The following RBM47 variants were observed in gnomAD, a reference collection of about 807,000 sequenced individuals.
RBM47 encodes the protein RNA binding motif protein 47.
RBM47 carries 21 observed loss-of-function variants against 47.1 expected under a neutral mutation model. That is an observed-to-expected ratio of 0.45 (90% CI 0.32 to 0.64). The LOEUF (loss-of-function observed/expected upper bound fraction) is 0.64. Ranked by LOEUF, RBM47 falls within the 30% of genes least tolerant of loss-of-function variation. The probability of loss-of-function intolerance (pLI) is 0.05; values close to 1 mark genes in which losing one functional copy is unlikely to be tolerated. For missense variants in RBM47, 708 were observed against 870.9 expected (o/e 0.81, Z 2.35); for synonymous variants, 375 against 361.7 (o/e 1.04, Z -0.42).
At chr4:40,435,103 C>T (rs1471864284) in intron 5 of RBM47, among the ~76,000 whole-genome samples, 1 of 152,116 alleles carries the variant, frequency 6.6e-6, no homozygotes, top group Non-Finnish European at 1.5e-5. Context: ...GCACTAATGA[C>T]ATTAATAAAC....
chr4:40,437,010 C>G (rs989697852), intron 4 of RBM47: 1 of 331,288 alleles, frequency 3.0e-6, no homozygotes, highest in Admixed American at 3.3e-5. Flanking sequence ...GAGGCTGAGG[C>G]GAGAGGATGG....
At chr4:40,502,227 T>C (rs544067715) in intron 2 of RBM47, 1 of 154,342 alleles carries the variant, frequency 6.5e-6, no homozygotes, top group African/African-American at 2.4e-5. Flanking sequence ...GAAGGGTGGG[T>C]ACGTCACATT....
At chr4:40,559,393 G>A (rs1043370484) in intron 1 of RBM47, among the ~76,000 whole-genome samples, 9 of 152,206 alleles carry the variant, frequency 5.9e-5, no homozygotes, top group Non-Finnish European at 1.3e-4. Context: ...CGAATCAAGT[G>A]ACATGGGTAT....
chr4:40,606,322 T>C (rs574093247), intron 1 of RBM47, among the ~76,000 whole-genome samples: 69 of 151,608 alleles, frequency 4.6e-4, no homozygotes, highest in Non-Finnish European at 6.8e-4. Flanking sequence ...GAAACTACTG[T>C]AGAGAATCAG....
At chr4:40,437,171 T>TATATATAA (rs1553877846) in intron 4 of RBM47, among the ~76,000 whole-genome samples, 8,326 of 90,054 alleles carry the variant, frequency 0.092, 728 homozygotes, top group Admixed American at 0.12. Flanking sequence ...TATATATATA[T>TATATATAA]AATACATATA....
chr4:40,530,551 C>T (rs979843861), intron 2 of RBM47, among the ~76,000 whole-genome samples: 15 of 151,472 alleles, frequency 9.9e-5, no homozygotes, highest in South Asian at 6.3e-4. Flanking sequence ...CCACCCGTCT[C>T]GGCCTCCCAA....
chr4:40,541,564 C>A (rs1398602600), intron 2 of RBM47, among the ~76,000 whole-genome samples: 2 of 151,972 alleles, frequency 1.3e-5, no homozygotes, highest in African/African-American at 4.8e-5. Flanking sequence ...TGGTGAAAAC[C>A]CCATCTTTAC....
chr4:40,625,821 T>C (rs1280796313), intron 1 of RBM47, among the ~76,000 whole-genome samples: 2 of 152,154 alleles, frequency 1.3e-5, no homozygotes, highest in African/African-American at 4.8e-5. Context: ...AATCTATAAA[T>C]AAAGCATACA....
At chr4:40,518,166 T>C (rs970647773) in intron 2 of RBM47, among the ~76,000 whole-genome samples, 2 of 114,618 alleles carry the variant, frequency 1.7e-5, no homozygotes, top group Non-Finnish European at 3.4e-5. Context: ...TTCTTTTTTT[T>C]TTTTTTTTTT....
At chr4:40,625,744 C>A (rs1350043548) in intron 1 of RBM47, among the ~76,000 whole-genome samples, 1 of 152,116 alleles carries the variant, frequency 6.6e-6, no homozygotes, top group African/African-American at 2.4e-5. Context: ...TATATAGCAT[C>A]CCCAAAGACA....
At chr4:40,531,164 G>A (rs983537336) in intron 2 of RBM47, among the ~76,000 whole-genome samples, 4 of 151,892 alleles carry the variant, frequency 2.6e-5, no homozygotes, top group East Asian at 1.9e-4. Context: ...TACATAAAAC[G>A]AAACCTGTTT....
chr4:40,430,779 G>C (rs966479429), intron 6 of RBM47, among the ~76,000 whole-genome samples: 1 of 152,164 alleles, frequency 6.6e-6, no homozygotes, highest in Admixed American at 6.5e-5. Flanking sequence ...TCAGGGATTA[G>C]AGTCTAAGAA....
At chr4:40,545,787 C>T (rs941265004) in intron 1 of RBM47, among the ~76,000 whole-genome samples, 2 of 151,990 alleles carry the variant, frequency 1.3e-5, no homozygotes, top group African/African-American at 4.8e-5. Context: ...ACCAGGTGCT[C>T]GAAACTCCAC....
intron 2 of RBM47, among the ~76,000 whole-genome samples, chr4:40,491,351 G>T (rs749683549): frequency 6.6e-6 from 1 of 152,080 alleles, no homozygotes; most frequent in Non-Finnish European, 1.5e-5. Context: ...CCTCATAAGA[G>T]CTAAAACTGT....
rs1391276221 is a variant in RBM47, at chr4:40,572,129, T to G, written c.-239-27623A>C. On this transcript the variant is annotated intron_variant, in intron 1 of 6. Coordinates refer to ENST00000295971, the MANE Select transcript of RBM47 (RefSeq NM_001098634.2). The stretch of plus-strand genomic sequence containing the variant: ...CCACCAGGTGTGGCTCACCCTGTAA[T>G]CCCAGCACTTTGGGAGGCCGAGGCG... Among the ~76,000 whole-genome samples the G allele has an allele frequency of 3.4e-5, 5 of 146,870 alleles. 1 individual carries two copies. The highest frequency in any genetic ancestry group is 7.5e-5 in the Non-Finnish European group (5 of 67,050).
rs1717908579 is a variant in RBM47, at chr4:40,465,692, A to AT, written c.-32+884_-32+885insA. On this transcript the variant is annotated intron_variant, in intron 3 of 6. Transcript: ENST00000295971. ...ACACTCCATCTCCAAAAAAAAAAAA[A>AT]GAGAGATCTTGGCTCACTGCAACCT... Among the ~76,000 whole-genome samples, 5 of 151,874 alleles carry AT rather than the reference A, an allele frequency of 3.3e-5. No homozygotes were observed. In the South Asian group the frequency reaches 1.0e-3, roughly 32 times the overall value.
intron 2 of RBM47, among the ~76,000 whole-genome samples, chr4:40,529,396 A>G (rs1298355982): frequency 6.6e-6 from 1 of 151,394 alleles, no homozygotes; most frequent in Non-Finnish European, 1.5e-5. Context: ...CATGCCTGTA[A>G]TCCCAGCTAC....
In RBM47 at chr4:40,503,264, C is replaced by T. The variant is rs140978563; in HGVS notation, c.-154-36565G>A. Among the ~76,000 whole-genome samples, 414 of 152,282 alleles carry T rather than the reference C, an allele frequency of 2.7e-3. 1 individual carries two copies. The highest frequency in any genetic ancestry group is 8.3e-3 in the South Asian group (40 of 4,824). ...AAGGTGGCCTCAAGGTGGAAGGAGG[C>T]TGGGTAGATGCTTTTGGAGGTGCTG... On this transcript the variant is annotated intron_variant, in intron 2 of 6. Coordinates refer to ENST00000295971, the MANE Select transcript of RBM47 (RefSeq NM_001098634.2).
intron 3 of RBM47, among the ~76,000 whole-genome samples, chr4:40,442,424 G>A (rs955330375): frequency 5.3e-5 from 8 of 152,116 alleles, no homozygotes; most frequent in African/African-American, 1.9e-4. Flanking sequence ...GTGCTGGTAG[G>A]AATATAAAAT....
Sources: allele counts gnomAD v4.1 joint callset (sites outside exome capture counted in the v4.1 genomes callset), GRCh38; gene constraint gnomAD v4.1.1; transcripts MANE v1.5; gene names NCBI Gene and HGNC (gene_info 2026-07-23, HGNC 2026-07-21).